NOTCH2: variants seen among roughly 807,000 people sequenced by gnomAD.
NOTCH2 encodes the protein neurogenic locus notch homolog protein 2.
NOTCH2 carries 29 observed loss-of-function variants against 235.8 expected under a neutral mutation model. The observed-to-expected ratio is 0.12, with a 90% confidence interval of 0.09 to 0.17. The LOEUF (loss-of-function observed/expected upper bound fraction) is 0.17, where lower values mean the gene tolerates loss of function less well. NOTCH2 is among the 10% of genes least tolerant of loss of function. The pLI is 1.00. For synonymous variants in NOTCH2, 1,086 were observed against 1,141.5 expected, an observed-to-expected ratio of 0.95 and a Z score of 0.98; for missense variants, 2,285 against 3,150.2, an observed-to-expected ratio of 0.73 and a Z score of 6.57.
chr1:119,957,122 G>A lies in NOTCH2; in HGVS notation c.2027-1890C>T, dbSNP rs113611179. Among the ~76,000 whole-genome samples, 1,069 of 152,304 alleles carry A rather than the reference G, an allele frequency of 7.0e-3. 7 individuals are homozygous for A. Among genetic ancestry groups the A allele is most frequent in the South Asian group, 0.035 (168 of 4,826 alleles). ...GTTCATTCAGCAACATTCACTAAGC[G>A]TTTCCTACGTGCCAGACATTGCTTT... On this transcript the variant is annotated intron_variant, in intron 12 of 33. Transcript: ENST00000256646.
At position 119,923,784 on chromosome 1, in the gene NOTCH2, G is replaced by T; in HGVS notation, c.4712C>A (p.Thr1571Asn). Residue 1571 changes from threonine to asparagine, a missense_variant, in exon 26 of 34, where the codon ACC becomes AAC. Physicochemically the swap from Thr to Asn is moderately conservative, Grantham distance 65. This residue lies in a region of NOTCH2 where 1,173 missense variants were observed against 1,515.3 expected (regional missense o/e 0.77). Coordinates refer to ENST00000256646, the MANE Select transcript of NOTCH2 (RefSeq NM_024408.4). The stretch of plus-strand genomic sequence containing the variant: ...AATGCGCAGGTTGGTGTGGAGCAGG[G>T]TACCCAGTGCCCGCAAGAAGCTGCG... Reference protein sequence around the residue: ...DARSFLRALGTLLHTNLRIKR... With the variant: ...DARSFLRALGNLLHTNLRIKR... The T allele has an allele frequency of 2.5e-6, 4 of 1,614,168 alleles. No individual in the cohort carries two copies. Among genetic ancestry groups the T allele is most frequent in the Non-Finnish European group, 2.5e-6 (3 of 1,180,042 alleles).
At chr1:119,980,862 C>A (rs1330875110) in intron 5 of NOTCH2, among the ~76,000 whole-genome samples, 1 of 152,164 alleles carries the variant, frequency 6.6e-6, no homozygotes, top group African/African-American at 2.4e-5. Flanking sequence ...TAAGGCTGTA[C>A]CCTTTAACTT....
At chr1:119,971,282 GA>G (rs1179191538) in intron 5 of NOTCH2, among the ~76,000 whole-genome samples, 1 of 152,178 alleles carries the variant, frequency 6.6e-6, no homozygotes, top group African/African-American at 2.4e-5. Flanking sequence ...GATGTCTCCG[GA>G]ACTCCGTGCT....
rs141800313 is a variant in NOTCH2, at chr1:119,968,382, T to G, written c.1109-150A>C. The G allele has an allele frequency of 5.5e-4, 483 of 881,324 alleles. 3 individuals carry two copies. In the African/African-American group the frequency reaches 7.4e-3, roughly 14 times the overall value. The allele number at this position is 881,324 out of a possible 1,614,324, so 54.6% of individuals were successfully genotyped here. On this transcript the variant is annotated intron_variant, in intron 6 of 33. Coordinates refer to ENST00000256646, the MANE Select transcript of NOTCH2 (RefSeq NM_024408.4). ...ACGCAACTTCTGCTTTGCCTGACCC[T>G]ACCTTGGGGACATGCTTGGCCACCA...
intron 25 of NOTCH2, among the ~76,000 whole-genome samples, chr1:119,925,003 A>C (rs1189963360): frequency 1.3e-5 from 2 of 152,184 alleles, no homozygotes; most frequent in East Asian, 3.8e-4. Context: ...CAGGCAGGTT[A>C]TGTGAGAGGC....
chr1:120,003,169 C>A (rs1302207399), intron 3 of NOTCH2, among the ~76,000 whole-genome samples: 3 of 152,082 alleles, frequency 2.0e-5, no homozygotes, highest in African/African-American at 7.2e-5. Flanking sequence ...CATGAAAAAG[C>A]GAGACTGGCC....
At chr1:119,928,858 G>A in intron 23 of NOTCH2, 118 bp downstream of exon 23, 1 of 848,830 alleles carries the variant, frequency 1.2e-6, no homozygotes, top group Non-Finnish European at 2.0e-6. Flanking sequence ...TTAAGCTGCT[G>A]TTGTTTTTCT....
At chr1:119,968,027 G>T in intron 7 of NOTCH2, 50 bp downstream of exon 7, 2 of 1,605,478 alleles carry the variant, frequency 1.2e-6, no homozygotes, top group Non-Finnish European at 1.7e-6. Context: ...TTAAACATTT[G>T]CTGAGCTCAA....
chr1:119,925,133 C>T (rs1649428087), intron 25 of NOTCH2, among the ~76,000 whole-genome samples, 172 bp downstream of exon 25: 1 of 152,142 alleles, frequency 6.6e-6, no homozygotes, highest in African/African-American at 2.4e-5. Flanking sequence ...GCATTCCTGG[C>T]CCATTGTCAG....
At chr1:119,947,185 G>A (rs1302407845) in intron 17 of NOTCH2, among the ~76,000 whole-genome samples, 1 of 152,086 alleles carries the variant, frequency 6.6e-6, no homozygotes, top group Non-Finnish European at 1.5e-5. Context: ...TGCATACACT[G>A]AATTTCATCA....
At position 120,003,185 on chromosome 1, in the gene NOTCH2, T is replaced by C. The variant is rs587743058; in HGVS notation, c.415+2144A>G. Among the ~76,000 whole-genome samples the C allele has an allele frequency of 5.3e-5, 8 of 152,286 alleles. No homozygotes were observed. The South Asian group carries it at 1.2e-3, about 24-fold the overall frequency. The stretch of plus-strand genomic sequence containing the variant: ...ATGAAAAAGCGAGACTGGCCTAGCC[T>C]CCCAGCCTACATCTTTTTCCCGTGC... On this transcript the variant is annotated intron_variant, in intron 3 of 33. Coordinates refer to ENST00000256646, the MANE Select transcript of NOTCH2 (RefSeq NM_024408.4).
At chr1:119,949,819 T>G (rs1173115075) in intron 15 of NOTCH2, among the ~76,000 whole-genome samples, 1 of 152,094 alleles carries the variant, frequency 6.6e-6, no homozygotes, top group Admixed American at 6.5e-5. Context: ...AGCTCAAGAC[T>G]CCAGGGAAGT....
intron 16 of NOTCH2, 140 bp downstream of exon 16, chr1:119,948,867 C>T: frequency 8.4e-7 from 1 of 1,186,410 alleles, no homozygotes; most frequent in African/African-American, 1.5e-5. Context: ...AGTAGCAGCT[C>T]CTTTGCAAAA....
intron 32 of NOTCH2, 47 bp downstream of exon 32, chr1:119,918,356 AGAG>A: frequency 6.2e-7 from 1 of 1,607,760 alleles, no homozygotes; most frequent in South Asian, 1.1e-5. Flanking sequence ...TCCCCTCGTC[AGAG>A]GCATGCTTTG....
At chr1:120,005,041 G>T (rs1193714923) in intron 3 of NOTCH2, among the ~76,000 whole-genome samples, 4 of 152,176 alleles carry the variant, frequency 2.6e-5, no homozygotes, top group African/African-American at 7.2e-5. Context: ...TCCTGCCTTG[G>T]CCTGCCAAAG....
At chr1:119,937,141 G>T in intron 21 of NOTCH2, 141 bp downstream of exon 21, 1 of 855,946 alleles carries the variant, frequency 1.2e-6, no homozygotes, top group South Asian at 1.4e-5. Context: ...AAGAAACAGT[G>T]GTAAACATTA....
intron 2 of NOTCH2, among the ~76,000 whole-genome samples, chr1:120,008,748 T>A (rs1415691165): frequency 2.6e-5 from 4 of 152,176 alleles, no homozygotes; most frequent in Non-Finnish European, 5.9e-5. Context: ...CCACAAAGAA[T>A]ATTAAACTTA....
intron 22 of NOTCH2, among the ~76,000 whole-genome samples, chr1:119,931,393 A>T (rs1411024362): frequency 6.6e-6 from 1 of 152,158 alleles, no homozygotes; most frequent in Non-Finnish European, 1.5e-5. Context: ...TCCTCATCAT[A>T]AAGTTATCAG....
chr1:120,027,921 G>A (rs1553210253), intron 2 of NOTCH2, among the ~76,000 whole-genome samples: 1 of 142,014 alleles, frequency 7.0e-6, no homozygotes, highest in Non-Finnish European at 1.5e-5. Context: ...ACTGTAAATA[G>A]TGCTGCAGTA....
Sources: gnomAD v4.1 joint callset for allele counts (sites outside exome capture counted in the v4.1 genomes callset) on GRCh38, gnomAD v4.1.1 for gene constraint, gnomAD v4.1.1 regional missense constraint, MANE v1.5 for transcripts, NCBI Gene and HGNC (gene_info 2026-07-23, HGNC 2026-07-21) for gene names.